PODXL2: variants seen among roughly 807,000 people sequenced by gnomAD.
The protein encoded by PODXL2 is podocalyxin-like protein 2.
In PODXL2, 17 loss-of-function variants were observed where a neutral mutation model predicts 53.4. That is an observed-to-expected ratio of 0.32 (90% CI 0.22 to 0.48). The LOEUF (loss-of-function observed/expected upper bound fraction) is 0.48, where lower values mean the gene tolerates loss of function less well. Ranked by LOEUF, PODXL2 falls within the 20% of genes least tolerant of loss-of-function variation. The pLI is 0.99. For missense variants in PODXL2, 673 were observed against 760.0 expected (o/e 0.89, Z 1.35); for synonymous variants, 311 against 306.7 (o/e 1.01, Z -0.15).
At chr3:127,663,168 G>C (rs1230011306) in intron 4 of PODXL2, among the ~76,000 whole-genome samples, 2 of 152,124 alleles carry the variant, frequency 1.3e-5, no homozygotes, top group Non-Finnish European at 1.5e-5. Flanking sequence ...AAGAACTAGG[G>C]ACCCAGCCGT....
chr3:127,670,083 G>C (rs2074822710), intron 6 of PODXL2, among the ~76,000 whole-genome samples: 1 of 152,124 alleles, frequency 6.6e-6, no homozygotes, highest in Non-Finnish European at 1.5e-5. Context: ...TGGTGGTGGT[G>C]CTTTTCTGGT....
chr3:127,665,756 G>A lies in PODXL2; in HGVS notation c.1207-2685G>A, dbSNP rs187067419. Among the ~76,000 whole-genome samples the A allele has an allele frequency of 2.2e-4, 34 of 152,332 alleles. No homozygotes were observed. The East Asian group carries it at 3.1e-3, about 14-fold the overall frequency. ...ATCAAGATCTGGATAAAGAAGCAGC[G>A]TTGACACAGTGATGAGGCGCCAGTC... On this transcript the variant is annotated intron_variant, in intron 4 of 7. Coordinates refer to ENST00000342480, the MANE Select transcript of PODXL2 (RefSeq NM_015720.4).
At chr3:127,647,263 T>C (rs2074662428) in intron 2 of PODXL2, among the ~76,000 whole-genome samples, 1 of 152,182 alleles carries the variant, frequency 6.6e-6, no homozygotes, top group African/African-American at 2.4e-5. Flanking sequence ...TGCGAATTGC[T>C]GCTCCACCAG....
chr3:127,668,757 G>A (rs1412641851), intron 5 of PODXL2, among the ~76,000 whole-genome samples, 160 bp downstream of exon 5: 1 of 152,210 alleles, frequency 6.6e-6, no homozygotes, highest in African/African-American at 2.4e-5. Context: ...GTACCCACCA[G>A]CTTGGGTTCT....
intron 6 of PODXL2, among the ~76,000 whole-genome samples, chr3:127,670,311 C>T (rs915820169): frequency 6.6e-6 from 1 of 152,188 alleles, no homozygotes; most frequent in African/African-American, 2.4e-5. Flanking sequence ...AAGCCTGATT[C>T]CGGAGCCCGG....
intron 6 of PODXL2, among the ~76,000 whole-genome samples, chr3:127,671,059 C>T (rs992581335): frequency 6.6e-6 from 1 of 152,152 alleles, no homozygotes; most frequent in Admixed American, 6.5e-5. Flanking sequence ...GCTCACATCT[C>T]CTGTCTCTCT....
intron 1 of PODXL2, among the ~76,000 whole-genome samples, chr3:127,637,751 T>TGCACA (rs2074586109): frequency 6.6e-6 from 1 of 152,194 alleles, no homozygotes; most frequent in Admixed American, 6.5e-5. Flanking sequence ...TACACCCCTG[T>TGCACA]GGCTGGATGT....
At chr3:127,638,935 G>T (rs1233427873) in intron 1 of PODXL2, among the ~76,000 whole-genome samples, 1 of 152,158 alleles carries the variant, frequency 6.6e-6, no homozygotes, top group African/African-American at 2.4e-5. Flanking sequence ...CCAACAGAGA[G>T]AGGGTACTCA....
At chr3:127,670,906 AAGCTGGGC>A (rs2074827865) in intron 6 of PODXL2, among the ~76,000 whole-genome samples, 1 of 152,216 alleles carries the variant, frequency 6.6e-6, no homozygotes, top group Admixed American at 6.5e-5. Context: ...GGAAGGGAGG[AAGCTGGGC>A]AGCCGGGGTG....
At position 127,629,560 on chromosome 3, in the gene PODXL2, A is replaced by G. The variant is rs2074528394; in HGVS notation, c.70+271A>G. ...CCGTGGCCCCCACGCCGCGGCTCTC[A>G]GGGGCAGGTGCGCAGGCTGCTGCCT... On this transcript the variant is annotated intron_variant, in intron 1 of 7. Coordinates refer to ENST00000342480, the MANE Select transcript of PODXL2 (RefSeq NM_015720.4). The surrounding 1 kb of genome is among the most constrained non-coding windows in gnomAD (Gnocchi z 6.4). Among the ~76,000 whole-genome samples, 1 of 151,080 alleles carries G rather than the reference A, an allele frequency of 6.6e-6. No homozygotes were observed. Among genetic ancestry groups the G allele is most frequent in the South Asian group, 2.1e-4 (1 of 4,814 alleles).
At chr3:127,640,846 A>C (rs1296582269) in intron 2 of PODXL2, among the ~76,000 whole-genome samples, 1 of 152,212 alleles carries the variant, frequency 6.6e-6, no homozygotes, top group Non-Finnish European at 1.5e-5. Context: ...TTTTCACTCA[A>C]AATATTTCAT....
chr3:127,660,319 T>G, intron 2 of PODXL2, 59 bp from the exon 3 acceptor site: 1 of 1,574,382 alleles, frequency 6.4e-7, no homozygotes, highest in Non-Finnish European at 8.6e-7. Flanking sequence ...GCCCAGTAAA[T>G]ACTGAGTAAA....
intron 1 of PODXL2, among the ~76,000 whole-genome samples, chr3:127,632,975 C>A (rs2074556471): frequency 6.6e-6 from 1 of 152,198 alleles, no homozygotes; most frequent in African/African-American, 2.4e-5. Flanking sequence ...GATTCTGATT[C>A]ACTTTTCAAA....
intron 1 of PODXL2, among the ~76,000 whole-genome samples, chr3:127,634,912 T>C (rs2074567724): frequency 6.6e-6 from 1 of 152,116 alleles, no homozygotes; most frequent in African/African-American, 2.4e-5. Context: ...GCAGGGGGAA[T>C]TGCTAGGGGT....
At chr3:127,668,712 C>A in intron 5 of PODXL2, 115 bp downstream of exon 5, 1 of 1,057,498 alleles carries the variant, frequency 9.5e-7, no homozygotes. Context: ...AACTCCAGGA[C>A]AGTAGTTTGA....
chr3:127,653,463 G>A (rs949210665), intron 2 of PODXL2, among the ~76,000 whole-genome samples: 2 of 152,286 alleles, frequency 1.3e-5, no homozygotes, highest in Admixed American at 1.3e-4. Flanking sequence ...TGGCCAACAA[G>A]GTGAAACCCC....
intron 2 of PODXL2, among the ~76,000 whole-genome samples, chr3:127,657,286 A>G (rs1304079822): frequency 6.6e-6 from 1 of 152,148 alleles, no homozygotes; most frequent in Non-Finnish European, 1.5e-5. Context: ...TTGCCCTCCC[A>G]GGACTTCCCC....
At chr3:127,672,172 G>A (rs983266034) in intron 7 of PODXL2, 96 bp from the exon 8 acceptor site, 28 of 913,452 alleles carry the variant, frequency 3.1e-5, no homozygotes, top group Admixed American at 1.5e-4. Context: ...AGGGTGCCGC[G>A]GGAACCCCCT....
chr3:127,660,955 C>T lies in PODXL2; in HGVS notation c.927C>T (p.Phe309=). The T allele has an allele frequency of 6.2e-7, 1 of 1,614,224 alleles. No homozygotes were observed. Among genetic ancestry groups the T allele is most frequent in the East Asian group, 2.2e-5 (1 of 44,890 alleles). ...QHEEVPALPS[F]PQTTAPSGAE... ...AGGAGGTGCCGGCCTTGCCTTCATT[C>T]CCTCAAACCACAGCTCCCAGTGGGG... Residue 309 remains phenylalanine, a synonymous_variant, in exon 3 of 8, where the codon TTC becomes TTT. Coordinates refer to ENST00000342480, the MANE Select transcript of PODXL2 (RefSeq NM_015720.4).
Sources: allele counts gnomAD v4.1 joint callset (sites outside exome capture counted in the v4.1 genomes callset), GRCh38; gene constraint gnomAD v4.1.1; non-coding constraint Gnocchi (gnomAD v3.1); transcripts MANE v1.5; gene names NCBI Gene and HGNC (gene_info 2026-07-23, HGNC 2026-07-21).